Variants in KIAA1217 observed in about 807,000 individuals in gnomAD.
KIAA1217 encodes the protein sickle tail protein homolog.
In KIAA1217, 88 loss-of-function variants were observed where a neutral mutation model predicts 163.9. The ratio of observed to expected loss-of-function variants is 0.54; its 90% confidence interval spans 0.45 to 0.64. The LOEUF is 0.64. Among genes scored for constraint, KIAA1217 ranks in the 30% least tolerant of loss-of-function variants. The pLI is 0.00. For synonymous variants in KIAA1217, 903 were observed against 923.1 expected (o/e 0.98, Z 0.39); for missense variants, 2,372 against 2,475.0 (o/e 0.96, Z 0.88).
In KIAA1217 at chr10:24,332,323, A is replaced by C. The variant is rs991069357; in HGVS notation, c.355-48546A>C. On this transcript the variant is annotated intron_variant, in intron 2 of 20. Coordinates refer to ENST00000376454, the MANE Select transcript of KIAA1217 (RefSeq NM_019590.5). ...AGAATGATTGCCTCATGGAACACCC[A>C]GCGTAGAGAGAATATAGAACTAGAA... Among the ~76,000 whole-genome samples, 5 of 152,224 alleles carry C rather than the reference A, an allele frequency of 3.3e-5. No individual in the cohort carries two copies. The East Asian group carries it at 5.8e-4, about 18-fold the overall frequency.
chr10:23,781,168 T>G (rs1835241179), intron 1 of KIAA1217, among the ~76,000 whole-genome samples: 1 of 152,246 alleles, frequency 6.6e-6, no homozygotes, highest in Non-Finnish European at 1.5e-5. Flanking sequence ...GTTTTTAACT[T>G]TTTGAGGAAC....
intron 1 of KIAA1217, among the ~76,000 whole-genome samples, chr10:23,824,646 AAAAATAAAAAAAATAT>A (rs1277438196): frequency 8.7e-4 from 85 of 97,370 alleles, no homozygotes; most frequent in African/African-American, 4.1e-3. Context: ...AAAAAAAAAA[AAAAATAAAAAAAATAT>A]ATATATATAT....
chr10:23,814,839 G>T (rs1464175367), intron 1 of KIAA1217, among the ~76,000 whole-genome samples: 1 of 151,632 alleles, frequency 6.6e-6, no homozygotes, highest in Non-Finnish European at 1.5e-5. Context: ...AATCACTTAA[G>T]AGTCTGATTT....
intron 5 of KIAA1217, among the ~76,000 whole-genome samples, chr10:24,452,776 A>C (rs1312830719): frequency 6.6e-6 from 1 of 151,580 alleles, no homozygotes; most frequent in Non-Finnish European, 1.5e-5. Flanking sequence ...TACTTTTAAA[A>C]ATAACTAAAA....
At chr10:24,476,002 C>A (rs2063991148) in intron 6 of KIAA1217, among the ~76,000 whole-genome samples, 1 of 152,204 alleles carries the variant, frequency 6.6e-6, no homozygotes, top group African/African-American at 2.4e-5. Context: ...ACCTCCCACA[C>A]TGACCTATCC....
At chr10:23,709,727 C>T (rs752437217) in intron 1 of KIAA1217, among the ~76,000 whole-genome samples, 1 of 152,116 alleles carries the variant, frequency 6.6e-6, no homozygotes, top group Non-Finnish European at 1.5e-5. Context: ...TTTACTATGC[C>T]TGTATGGTCC....
At chr10:24,419,503 C>G (rs2058559172) in intron 3 of KIAA1217, among the ~76,000 whole-genome samples, 1 of 152,156 alleles carries the variant, frequency 6.6e-6, no homozygotes, top group African/African-American at 2.4e-5. Context: ...ACTTACTTCT[C>G]TCTGCCTCAG....
In KIAA1217 at chr10:24,397,896, T is replaced by C. The variant is rs185780895; in HGVS notation, c.553+16829T>C. Among the ~76,000 whole-genome samples the C allele has an allele frequency of 1.5e-3, 225 of 152,272 alleles. 3 individuals are homozygous for C. Among genetic ancestry groups the C allele is most frequent in the African/African-American group, 4.9e-3 (202 of 41,556 alleles). On this transcript the variant is annotated intron_variant, in intron 3 of 20. Transcript: ENST00000376454. ...ACTGAGTGTACCCGGAAGCAGCCAG[T>C]AGAGTAATCAGGATCATCTCATCTG...
intron 1 of KIAA1217, among the ~76,000 whole-genome samples, chr10:23,858,666 G>A (rs1041689758): frequency 6.6e-6 from 1 of 152,006 alleles, no homozygotes; most frequent in African/African-American, 2.4e-5. Flanking sequence ...CTCCCCATCA[G>A]TCCTAGGATC....
chr10:23,997,655 A>G (rs1488060091), intron 1 of KIAA1217, among the ~76,000 whole-genome samples: 1 of 152,224 alleles, frequency 6.6e-6, no homozygotes, highest in Non-Finnish European at 1.5e-5. Context: ...TATACTTTAC[A>G]TCTAATTCTA....
In KIAA1217 at chr10:23,703,507, AG is replaced by A. The variant is rs569130029; in HGVS notation, c.-321+8278del. On this transcript the variant is annotated intron_variant, in intron 1 of 18. Coordinates refer to the KIAA1217 transcript ENST00000376462. ...TATTTGAGATACGCTGGCTCTCTGC[AG>A]GGGGAAAAAAGCCCTGATTTGAACT... is the stretch of plus-strand genomic sequence containing the variant. 1.5e-3 allele frequency among the ~76,000 whole-genome samples: 221 copies of A among 152,312 alleles called. 1 individual carries two copies. The highest frequency in any genetic ancestry group is 4.5e-3 in the African/African-American group (189 of 41,568).
At chr10:24,376,800 C>A (rs2052563150) in intron 2 of KIAA1217, among the ~76,000 whole-genome samples, 1 of 152,114 alleles carries the variant, frequency 6.6e-6, no homozygotes, top group African/African-American at 2.4e-5. Flanking sequence ...ACCAATCTTA[C>A]CACTGGTGTC....
rs1249433941 is a variant in KIAA1217, at chr10:24,335,619, TATTTATTG to T, written c.355-45249_355-45242del. Among the ~76,000 whole-genome samples the T allele has an allele frequency of 9.7e-3, 1,152 of 118,998 alleles. 15 individuals are homozygous for T. The highest frequency in any genetic ancestry group is 0.073 in the East Asian group (253 of 3,458). The allele number at this position is 118,998 out of a possible 152,430, so 78.1% of individuals were successfully genotyped here. A position where few individuals can be genotyped will look rare whatever the true frequency, so the allele number is the denominator to read the frequency against. On this transcript the variant is annotated intron_variant, in intron 2 of 20. Coordinates refer to ENST00000376454, the MANE Select transcript of KIAA1217 (RefSeq NM_019590.5). ...TTATTTATTTATTTATTTATTTATTTATTTATTGGAGATGGAGTCTCGTTCTGTCGCCC... is the reference window on the plus strand; with the variant it reads ...TTATTTATTTATTTATTTATTTATTTGAGATGGAGTCTCGTTCTGTCGCCC...
intron 1 of KIAA1217, among the ~76,000 whole-genome samples, chr10:23,866,195 T>C (rs141971161): frequency 2.1e-4 from 32 of 152,220 alleles, no homozygotes; most frequent in African/African-American, 7.7e-4. Flanking sequence ...CTATGATGTG[T>C]GATGTCGGGG....
intron 1 of KIAA1217, among the ~76,000 whole-genome samples, chr10:23,904,698 C>A (rs549592161): frequency 6.6e-6 from 1 of 152,206 alleles, no homozygotes; most frequent in East Asian, 1.9e-4. Flanking sequence ...GTGGCTACAT[C>A]TGACTTCATG....
In KIAA1217 at chr10:23,787,171, A is replaced by G. The variant is rs568016868; in HGVS notation, c.-321+91937A>G. 7.9e-5 allele frequency among the ~76,000 whole-genome samples: 12 copies of G among 152,338 alleles called. No individual in the cohort carries two copies. In the South Asian group the frequency reaches 1.5e-3, roughly 18 times the overall value. ...TTTCCTCCTCTTTATGAATTAGCTC[A>G]TATTTCCAAATGTTCACCAATCACA... On this transcript the variant is annotated intron_variant, in intron 1 of 18. Transcript: ENST00000376462.
At chr10:23,954,790 A>T (rs1054126948) in intron 1 of KIAA1217, among the ~76,000 whole-genome samples, 1 of 152,260 alleles carries the variant, frequency 6.6e-6, no homozygotes. Context: ...AGATAAGAAA[A>T]CTGAGTCTCA....
At chr10:24,231,847 G>A (rs944969646) in intron 2 of KIAA1217, among the ~76,000 whole-genome samples, 2 of 150,512 alleles carry the variant, frequency 1.3e-5, no homozygotes, top group Non-Finnish European at 2.9e-5. Flanking sequence ...CACCCAGGCT[G>A]GAGTGCAGTG....
intron 2 of KIAA1217, among the ~76,000 whole-genome samples, chr10:24,254,569 G>T (rs964885381): frequency 1.3e-5 from 2 of 152,148 alleles, no homozygotes. Context: ...TCTTTATTCT[G>T]TTGTTCTAGA....
Sources: allele counts gnomAD v4.1 joint callset (sites outside exome capture counted in the v4.1 genomes callset), GRCh38; gene constraint gnomAD v4.1.1; transcripts MANE v1.5; gene names NCBI Gene and HGNC (gene_info 2026-07-23, HGNC 2026-07-21).